Variants in ADGRL3 observed in about 807,000 individuals in gnomAD.
The protein encoded by ADGRL3 is calcium-independent alpha-latrotoxin receptor 3.
In ADGRL3, 62 loss-of-function variants were observed where a neutral mutation model predicts 153.5. The observed-to-expected ratio is 0.40, with a 90% confidence interval of 0.33 to 0.50. The LOEUF (loss-of-function observed/expected upper bound fraction) is 0.50, where lower values mean the gene tolerates loss of function less well. Ranked by LOEUF, ADGRL3 falls within the 20% of genes least tolerant of loss-of-function variation. The probability of loss-of-function intolerance (pLI) is 0.47; values close to 1 mark genes in which losing one functional copy is unlikely to be tolerated. For synonymous variants in ADGRL3, 710 were observed against 672.5 expected, an observed-to-expected ratio of 1.06 and a Z score of -0.86; for missense variants, 1,641 against 1,859.4, an observed-to-expected ratio of 0.88 and a Z score of 2.16.
Position 61,928,825 on chromosome 4 carries a change from AGGATGC to A in ADGRL3, c.2113-6014_2113-6009del, listed in dbSNP as rs530582250. The stretch of plus-strand genomic sequence containing the variant: ...AGGGCAAAAATTAAAGAAATAAAAA[AGGATGC>A]TTTCAGTTTTCCTATTGTATATAAT... On this transcript the variant is annotated intron_variant, in intron 13 of 26. Coordinates refer to ENST00000683033, the MANE Select transcript of ADGRL3 (RefSeq NM_001387552.1). 2.2e-3 allele frequency among the ~76,000 whole-genome samples: 338 copies of A among 152,278 alleles called. 1 individual carries two copies. Among genetic ancestry groups the A allele is most frequent in the African/African-American group, 7.7e-3 (320 of 41,562 alleles).
intron 4 of ADGRL3, among the ~76,000 whole-genome samples, chr4:61,526,425 C>G (rs931369137): frequency 1.3e-5 from 2 of 150,338 alleles, no homozygotes; most frequent in African/African-American, 4.9e-5. Context: ...TGCTTTTGAT[C>G]ATTGGTTAAT....
chr4:61,926,629 A>C (rs2150046849), intron 13 of ADGRL3, among the ~76,000 whole-genome samples: 1 of 152,280 alleles, frequency 6.6e-6, no homozygotes, highest in East Asian at 1.9e-4. Context: ...GATAATAATA[A>C]ATTCTACCTC....
At chr4:61,561,078 T>C (rs1304810277) in intron 4 of ADGRL3, among the ~76,000 whole-genome samples, 2 of 152,160 alleles carry the variant, frequency 1.3e-5, no homozygotes, top group Non-Finnish European at 2.9e-5. Context: ...GGTTGATCAG[T>C]AGTTACACTG....
intron 10 of ADGRL3, among the ~76,000 whole-genome samples, chr4:61,894,342 G>T (rs2098610796): frequency 6.6e-6 from 1 of 151,986 alleles, no homozygotes; most frequent in Non-Finnish European, 1.5e-5. Flanking sequence ...GAAGACCAAA[G>T]GGTATCTTGG....
At chr4:61,833,440 A>C in intron 9 of ADGRL3, among the ~76,000 whole-genome samples, 1 of 152,132 alleles carries the variant, frequency 6.6e-6, no homozygotes, top group Middle Eastern at 3.2e-3. Flanking sequence ...GCATTCAGGG[A>C]TCAGAGTTTT....
intron 17 of ADGRL3, among the ~76,000 whole-genome samples, chr4:61,975,484 G>T (rs544394913): frequency 3.3e-5 from 5 of 152,158 alleles, no homozygotes; most frequent in Admixed American, 2.0e-4. Context: ...GATGTCACAG[G>T]GGTGCAGTTC....
chr4:61,783,319 G>A (rs1261878814), intron 8 of ADGRL3, among the ~76,000 whole-genome samples: 1 of 152,076 alleles, frequency 6.6e-6, no homozygotes, highest in Non-Finnish European at 1.5e-5. Context: ...CCAAGTGCCT[G>A]GGTGATTCAG....
At chr4:62,067,450 T>G (rs1171047541) in intron 25 of ADGRL3, among the ~76,000 whole-genome samples, 1 of 152,052 alleles carries the variant, frequency 6.6e-6, no homozygotes, top group Admixed American at 6.6e-5. Context: ...CCTAATATTG[T>G]TGGTTGCGTT....
Position 61,732,971 on chromosome 4 carries a change from C to G in ADGRL3, c.816C>G (p.His272Gln). The part of the protein sequence containing the change: ...GRPTTTYKLP[H>Q]RVDGTGFVVY... ...CAACTACAACCTACAAGCTCCCTCA[C>G]AGGGTGGATGGCACAGGATTTGTAG... is the stretch of plus-strand genomic sequence containing the variant. The change falls in exon 8 of 27, where the codon CAC becomes CAG. Residue 272 changes from histidine to glutamine, a missense_variant. Physicochemically the swap from His to Gln is conservative, Grantham distance 24 (BLOSUM62 0). Coordinates refer to ENST00000683033, the MANE Select transcript of ADGRL3 (RefSeq NM_001387552.1). 1 of 1,613,398 alleles carries G rather than the reference C, an allele frequency of 6.2e-7. No homozygotes were observed. The highest frequency in any genetic ancestry group is 1.1e-5 in the South Asian group (1 of 91,052).
At chr4:61,872,086 C>G (rs924511369) in intron 9 of ADGRL3, among the ~76,000 whole-genome samples, 9 of 152,142 alleles carry the variant, frequency 5.9e-5, no homozygotes, top group African/African-American at 2.2e-4. Flanking sequence ...CTAGAAAATG[C>G]CTGGCACACA....
At chr4:61,292,060 G>A (rs1413053622) in intron 1 of ADGRL3, among the ~76,000 whole-genome samples, 2 of 151,424 alleles carry the variant, frequency 1.3e-5, no homozygotes, top group African/African-American at 4.9e-5. Flanking sequence ...GAACAAATGA[G>A]ATGGAAACTG....
At chr4:61,805,667 C>T in intron 8 of ADGRL3, among the ~76,000 whole-genome samples, 1 of 152,090 alleles carries the variant, frequency 6.6e-6, no homozygotes, top group East Asian at 1.9e-4. Flanking sequence ...GCCAATTAAT[C>T]CAAGTTTTTC....
intron 5 of ADGRL3, among the ~76,000 whole-genome samples, chr4:61,647,868 C>T (rs1367538181): frequency 1.3e-5 from 2 of 151,984 alleles, no homozygotes; most frequent in Admixed American, 6.6e-5. Context: ...TCTTTCATGG[C>T]CTCTCAGATA....
At chr4:61,641,465 T>A (rs2093668507) in intron 5 of ADGRL3, among the ~76,000 whole-genome samples, 1 of 116,770 alleles carries the variant, frequency 8.6e-6, no homozygotes, top group Admixed American at 1.2e-4. Context: ...GTCCTCAGAG[T>A]GTGATGTTCC....
intron 2 of ADGRL3, among the ~76,000 whole-genome samples, chr4:61,489,189 T>C (rs532685785): frequency 1.3e-5 from 2 of 152,036 alleles, no homozygotes; most frequent in South Asian, 4.1e-4. Context: ...CATTAGGGTA[T>C]AGAAAATTTA....
At chr4:61,525,369 A>C (rs576086164) in intron 4 of ADGRL3, among the ~76,000 whole-genome samples, 86 of 152,254 alleles carry the variant, frequency 5.6e-4, no homozygotes, top group African/African-American at 1.9e-3. Context: ...ATGAAATGTC[A>C]AATAGTCTAA....
At chr4:61,205,337 C>T (rs1026561750) in intron 1 of ADGRL3, among the ~76,000 whole-genome samples, 1 of 152,144 alleles carries the variant, frequency 6.6e-6, no homozygotes, top group South Asian at 2.1e-4. Flanking sequence ...TTGCGATTTT[C>T]ATATTTAGGA....
chr4:61,579,605 G>C (rs751580116), intron 4 of ADGRL3: 1 of 515,074 alleles, frequency 1.9e-6, no homozygotes, highest in Non-Finnish European at 3.9e-6. Context: ...TGAGGTTCAT[G>C]ATGAAGCTCC....
intron 1 of ADGRL3, among the ~76,000 whole-genome samples, chr4:61,223,815 T>G (rs1746719670): frequency 6.6e-6 from 1 of 152,120 alleles, no homozygotes; most frequent in Admixed American, 6.5e-5. Context: ...AAGAGCAAAA[T>G]TCTAACAGAT....
Sources: gnomAD v4.1 joint callset for allele counts (sites outside exome capture counted in the v4.1 genomes callset) on GRCh38, gnomAD v4.1.1 for gene constraint, MANE v1.5 for transcripts, NCBI Gene and HGNC (gene_info 2026-07-23, HGNC 2026-07-21) for gene names.